The following SLC71A2 variants were observed in gnomAD, a reference collection of about 807,000 sequenced individuals.
SLC71A2 encodes the protein solute carrier family 71 member 2, also known as hippocampus abundant transcript-like 1.
At chr9:94,459,517 C>G in the SLC71A2 span, 2 of 1,213,372 alleles carry the variant, frequency 1.6e-6, no homozygotes, top group East Asian at 4.8e-5. Flanking sequence ...TAGCGGCATC[C>G]TTCAGGGCCA....
At chr9:94,458,667 C>T in the SLC71A2 span, among the ~76,000 whole-genome samples, 24 of 148,754 alleles carry the variant, frequency 1.6e-4, no homozygotes, top group East Asian at 4.7e-3. Flanking sequence ...TATGTCTTAA[C>T]TTTGTTCAGA....
chr9:94,445,010 G>A, the SLC71A2 span: 2 of 1,614,126 alleles, frequency 1.2e-6, no homozygotes, highest in Non-Finnish European at 1.7e-6. Flanking sequence ...CCGGCCATTG[G>A]AGCATATCTT....
chr9:94,429,993 G>GCCT, the SLC71A2 span, among the ~76,000 whole-genome samples: 1 of 139,640 alleles, frequency 7.2e-6, no homozygotes, highest in Non-Finnish European at 1.5e-5. Flanking sequence ...TGCAGCATCC[G>GCCT]CCTCCCGGGT....
the SLC71A2 span, among the ~76,000 whole-genome samples, chr9:94,385,819 GTTTGGTGTTC>G: frequency 6.6e-6 from 1 of 151,954 alleles, no homozygotes; most frequent in Non-Finnish European, 1.5e-5. Context: ...TGTTTTGGCT[GTTTGGTGTTC>G]TTTGCAATTC....
At chr9:94,452,636 C>CAT in the SLC71A2 span, among the ~76,000 whole-genome samples, 6 of 81,632 alleles carry the variant, frequency 7.4e-5, no homozygotes, top group East Asian at 1.2e-3. Context: ...TATATATTTT[C>CAT]ATATATATAT....
the SLC71A2 span, among the ~76,000 whole-genome samples, chr9:94,399,508 T>G: frequency 3.3e-5 from 5 of 152,230 alleles, no homozygotes; most frequent in Admixed American, 1.3e-4. Context: ...TTCATAATGA[T>G]GTGCTCAACT....
chr9:94,440,395 C>T, the SLC71A2 span, among the ~76,000 whole-genome samples: 92 of 152,014 alleles, frequency 6.1e-4, 1 homozygote, highest in South Asian at 0.017. Context: ...CCTCGTGATC[C>T]GCCCACCTTT....
At chr9:94,426,738 A>AT in the SLC71A2 span, among the ~76,000 whole-genome samples, 1,259 of 149,724 alleles carry the variant, frequency 8.4e-3, 41 homozygotes, top group Admixed American at 0.064. Context: ...AATGTTTCCT[A>AT]TTTTTTTCAG....
the SLC71A2 span, among the ~76,000 whole-genome samples, chr9:94,419,302 T>TC: frequency 0.019 from 2,779 of 149,722 alleles, 77 homozygotes; most frequent in African/African-American, 0.064. Flanking sequence ...TTTTTTCTTT[T>TC]TTTTTTTTTT....
chr9:94,415,679 T>C, the SLC71A2 span, among the ~76,000 whole-genome samples: 2 of 152,010 alleles, frequency 1.3e-5, no homozygotes, highest in Admixed American at 6.6e-5. Flanking sequence ...TTAGTTAGAT[T>C]CTCATAATGA....
chr9:94,378,993 AT>A, the SLC71A2 span, among the ~76,000 whole-genome samples: 1 of 145,460 alleles, frequency 6.9e-6, no homozygotes, highest in Non-Finnish European at 1.5e-5. Flanking sequence ...GAATTTGCCC[AT>A]TTTATCTAAA....
At chr9:94,452,348 G>C in the SLC71A2 span, among the ~76,000 whole-genome samples, 19 of 152,120 alleles carry the variant, frequency 1.2e-4, no homozygotes, top group Non-Finnish European at 2.6e-4. Context: ...TGTAATCCCA[G>C]CACTTTGGGA....
chr9:94,417,385 C>T, the SLC71A2 span, among the ~76,000 whole-genome samples: 87 of 151,908 alleles, frequency 5.7e-4, no homozygotes, highest in African/African-American at 1.8e-3. Flanking sequence ...CCCAGCACTT[C>T]GGGAGGCTGA....
chr9:94,445,585 ATTTG>A, the SLC71A2 span, among the ~76,000 whole-genome samples: 3 of 152,140 alleles, frequency 2.0e-5, no homozygotes, highest in Admixed American at 6.5e-5. Flanking sequence ...GAGACGTTTA[ATTTG>A]TTTGTTACAG....
At chr9:94,377,855 C>G in the SLC71A2 span, among the ~76,000 whole-genome samples, 2 of 152,004 alleles carry the variant, frequency 1.3e-5, no homozygotes, top group African/African-American at 4.8e-5. Context: ...ACCTGTAATC[C>G]CAGCACTTTG....
the SLC71A2 span, among the ~76,000 whole-genome samples, chr9:94,406,840 T>C: frequency 6.6e-6 from 1 of 152,202 alleles, no homozygotes; most frequent in South Asian, 2.1e-4. Context: ...GATCTTGTCA[T>C]CAGCGAACAG....
At chr9:94,455,812 AG>A in the SLC71A2 span, among the ~76,000 whole-genome samples, 4 of 152,108 alleles carry the variant, frequency 2.6e-5, no homozygotes, top group Non-Finnish European at 5.9e-5. Context: ...CTCTCTGTTG[AG>A]GGGTAGCAAG....
At chr9:94,382,206 T>G in the SLC71A2 span, among the ~76,000 whole-genome samples, 1 of 152,002 alleles carries the variant, frequency 6.6e-6, no homozygotes, top group Non-Finnish European at 1.5e-5. Context: ...TTTTAATTTT[T>G]TATAGAGATG....
At chr9:94,423,377 G>A in the SLC71A2 span, among the ~76,000 whole-genome samples, 5 of 151,790 alleles carry the variant, frequency 3.3e-5, no homozygotes, top group South Asian at 2.1e-4. Context: ...ACCAAGCCAC[G>A]TGTGCCCTGC....
Sources: gnomAD v4.1 joint callset for allele counts (sites outside exome capture counted in the v4.1 genomes callset) on GRCh38, gnomAD v4.1.1 for gene constraint, MANE v1.5 for transcripts, NCBI Gene and HGNC (gene_info 2026-07-23, HGNC 2026-07-21) for gene names.